The following CD1B variants were observed in gnomAD, a reference collection of about 807,000 sequenced individuals.
The protein encoded by CD1B is T-cell surface glycoprotein CD1b.
CD1B carries 43 observed loss-of-function variants against 39.8 expected under a neutral mutation model. The ratio of observed to expected loss-of-function variants is 1.08; its 90% CI spans 0.85 to 1.39. CD1B has a LOEUF of 1.39. Among genes scored for constraint, CD1B ranks in the 40% most tolerant of loss-of-function variants. CD1B has a pLI of 0.00. For missense variants in CD1B, 495 were observed against 403.8 expected, an observed-to-expected ratio of 1.23 and a Z score of -1.94; for synonymous variants, 192 against 152.5, an observed-to-expected ratio of 1.26 and a Z score of -1.91.
At chr1:158,308,208 C>A in the CD1B span, among the ~76,000 whole-genome samples, 3 of 151,964 alleles carry the variant, frequency 2.0e-5, no homozygotes, top group East Asian at 3.9e-4. Flanking sequence ...GAGAGCCAAA[C>A]CATGAGTGAA....
At chr1:158,312,868 G>T in the CD1B span, among the ~76,000 whole-genome samples, 1 of 152,156 alleles carries the variant, frequency 6.6e-6, no homozygotes, top group Non-Finnish European at 1.5e-5. Context: ...ACCCTGGCTA[G>T]GAGTTCCAGT....
the CD1B span, among the ~76,000 whole-genome samples, chr1:158,308,555 G>A: frequency 2.0e-5 from 3 of 152,180 alleles, no homozygotes; most frequent in Non-Finnish European, 2.9e-5. Flanking sequence ...AAAGCTGGAG[G>A]CATCACACTA....
chr1:158,330,803 C>T lies in CD1B; in HGVS notation c.321G>A (p.Gln107=). 1 of 1,614,138 alleles carries T rather than the reference C, an allele frequency of 6.2e-7. No individual in the cohort carries two copies. The highest frequency in any genetic ancestry group is 8.5e-7 in the Non-Finnish European group (1 of 1,180,008). The part of the protein sequence containing the change: ...REVQDFAGDF[Q]MKYPFEIQGI... The stretch of plus-strand genomic sequence containing the variant: ...TCGGTGGACTAGACTCACATTTCAT[C>T]TGGAAATCACCGGCAAAGTCTTGTA... Residue 107 remains glutamine, a synonymous_variant, in exon 2 of 6, where the codon CAG becomes CAA. Coordinates refer to ENST00000368168, the MANE Select transcript of CD1B (RefSeq NM_001764.3).
chr1:158,313,379 C>A, the CD1B span, among the ~76,000 whole-genome samples: 1 of 152,210 alleles, frequency 6.6e-6, no homozygotes, highest in African/African-American at 2.4e-5. Context: ...GGCACAATCA[C>A]ATCTCACCAC....
downstream of CD1B, among the ~76,000 whole-genome samples, chr1:158,325,640 TACAC>T (rs57890038): frequency 3.4e-4 from 50 of 149,064 alleles, no homozygotes; most frequent in African/African-American, 6.9e-4. Flanking sequence ...ATACATTTTA[TACAC>T]ACACACACAC....
the CD1B span, chr1:158,291,942 T>C: frequency 1.3e-6 from 1 of 799,332 alleles, no homozygotes; most frequent in Non-Finnish European, 2.0e-6. Flanking sequence ...TTCTCTCTTG[T>C]TTCTGATCAA....
the CD1B span, chr1:158,291,049 T>A: frequency 7.3e-7 from 1 of 1,376,616 alleles, no homozygotes; most frequent in Non-Finnish European, 9.9e-7. Context: ...CTGTGGTAAC[T>A]GGTTCACCTT....
chr1:158,303,827 T>A, the CD1B span, among the ~76,000 whole-genome samples: 1 of 152,326 alleles, frequency 6.6e-6, no homozygotes, highest in Admixed American at 6.5e-5. Context: ...ATTAATGTTG[T>A]TAAAATTATC....
the CD1B span, among the ~76,000 whole-genome samples, chr1:158,299,614 C>T: frequency 2.6e-5 from 4 of 152,254 alleles, no homozygotes; most frequent in African/African-American, 9.6e-5. Context: ...TCCATCTGGT[C>T]CTGGACTTTT....
chr1:158,327,458 G>C (rs1436577127), downstream of CD1B, among the ~76,000 whole-genome samples: 1 of 152,054 alleles, frequency 6.6e-6, no homozygotes, highest in Non-Finnish European at 1.5e-5. Context: ...ATTTTAGCAA[G>C]ATGAGGAGAA....
the CD1B span, among the ~76,000 whole-genome samples, chr1:158,322,133 TATC>T: frequency 6.6e-6 from 1 of 152,228 alleles, no homozygotes; most frequent in Non-Finnish European, 1.5e-5. Flanking sequence ...GTATTTTAGT[TATC>T]ATTTTTAAGA....
chr1:158,330,077 T>C lies in CD1B; in HGVS notation c.382A>G (p.Ile128Val), dbSNP rs1332235602. ...AGAGCTCCCCTCAGGAAGCTTACTATGGCACCTCCAGAATGTAGCTCACAG... is the reference window on the plus strand; with the variant it reads ...AGAGCTCCCCTCAGGAAGCTTACTACGGCACCTCCAGAATGTAGCTCACAG... ...AGCELHSGGA[I>V]VSFLRGALGG... Residue 128 changes from isoleucine (I) to valine (V), a missense_variant, in exon 3 of 6, where the codon ATA becomes GTA. Transcript: ENST00000368168. 4.3e-6 allele frequency: 7 copies of C among 1,613,742 alleles called. No individual in the cohort carries two copies. In the South Asian group the frequency reaches 4.4e-5, roughly 10 times the overall value.
At chr1:158,301,505 T>C in the CD1B span, among the ~76,000 whole-genome samples, 1 of 152,196 alleles carries the variant, frequency 6.6e-6, no homozygotes, top group East Asian at 1.9e-4. Context: ...TCTCTTAGCA[T>C]TTGCTTGTCT....
At chr1:158,293,581 C>A in the CD1B span, 3 of 1,613,254 alleles carry the variant, frequency 1.9e-6, no homozygotes, top group Non-Finnish European at 2.5e-6. Flanking sequence ...AATTGTTTCT[C>A]TTTCTGCATA....
chr1:158,304,296 C>T, the CD1B span, among the ~76,000 whole-genome samples: 2 of 152,140 alleles, frequency 1.3e-5, no homozygotes, highest in Non-Finnish European at 2.9e-5. Context: ...AGATTATATC[C>T]CATGCCAGGC....
At chr1:158,318,695 A>T in the CD1B span, among the ~76,000 whole-genome samples, 1 of 152,064 alleles carries the variant, frequency 6.6e-6, no homozygotes, top group Non-Finnish European at 1.5e-5. Context: ...TGTGAATTTG[A>T]TCCTGTCATT....
At chr1:158,317,753 T>C in the CD1B span, among the ~76,000 whole-genome samples, 1 of 152,230 alleles carries the variant, frequency 6.6e-6, no homozygotes, top group African/African-American at 2.4e-5. Context: ...AACTGTGATG[T>C]TAGGATGTCA....
chr1:158,325,502 A>G (rs1182475702), downstream of CD1B, among the ~76,000 whole-genome samples: 1 of 152,228 alleles, frequency 6.6e-6, no homozygotes, highest in Non-Finnish European at 1.5e-5. Context: ...TTTGAAAAAC[A>G]TTTAAAAATA....
chr1:158,310,224 C>T, the CD1B span, among the ~76,000 whole-genome samples: 2 of 152,158 alleles, frequency 1.3e-5, no homozygotes, highest in Non-Finnish European at 2.9e-5. Flanking sequence ...GGGGTGAAGA[C>T]TTCCTATTCA....
Sources: allele counts gnomAD v4.1 joint callset (sites outside exome capture counted in the v4.1 genomes callset), GRCh38; gene constraint gnomAD v4.1.1; transcripts MANE v1.5; gene names NCBI Gene and HGNC (gene_info 2026-07-23, HGNC 2026-07-21).